Variants in SETD1A observed in about 807,000 individuals in gnomAD.
SETD1A encodes SET domain containing 1A, histone lysine methyltransferase.
A neutral mutation model predicts 149.9 loss-of-function variants in SETD1A; 29 were observed. The observed-to-expected ratio is 0.19, with a 90% CI of 0.14 to 0.26. The LOEUF (loss-of-function observed/expected upper bound fraction) is 0.26. SETD1A is among the 10% of genes least tolerant of loss of function. The pLI is 1.00. For synonymous variants in SETD1A, 1,141 were observed against 968.5 expected, an observed-to-expected ratio of 1.18 and a Z score of -3.31; for missense variants, 2,109 against 2,353.1, an observed-to-expected ratio of 0.90 and a Z score of 2.15.
chr16:30,960,501 T>C (rs566677335), intron 3 of SETD1A, among the ~76,000 whole-genome samples: 97 of 152,334 alleles, frequency 6.4e-4, no homozygotes, highest in Non-Finnish European at 1.1e-3. Context: ...TTTCCTTCCC[T>C]GGGCTCCAGA....
chr16:30,966,075 C>G lies in SETD1A; in HGVS notation c.2194C>G (p.Leu732Val), dbSNP rs2056140792. The stretch of plus-strand genomic sequence containing the variant: ...GGCAGCCTACGGCTTGCCGTATGCT[C>G]TATATGCACAGGGGCAGGAGGGCAG... ...QEAAYGLPYA[L>V]YAQGQEGRGA... The change falls in exon 8 of 19, where the codon CTA (leucine) becomes GTA (valine). Residue 732 changes from leucine (L) to valine (V), a missense_variant. By Grantham distance (32) the Leu-to-Val change is conservative. This residue lies in a region of SETD1A where 431 missense variants were observed against 388.6 expected (regional missense o/e 1.11). Transcript: ENST00000262519. 3.1e-6 allele frequency: 5 copies of G among 1,587,628 alleles called. No individual in the cohort carries two copies. Among genetic ancestry groups the G allele is most frequent in the Non-Finnish European group, 4.3e-6 (5 of 1,165,740 alleles).
intron 3 of SETD1A, among the ~76,000 whole-genome samples, chr16:30,959,540 T>A (rs1488602706): frequency 6.6e-6 from 1 of 152,214 alleles, no homozygotes; most frequent in Non-Finnish European, 1.5e-5. Flanking sequence ...ACAAGGCCAC[T>A]GCCTACCTGG....
In SETD1A at chr16:30,979,158, G is replaced by A; in HGVS notation, c.3372G>A (p.Glu1124=). The A allele has an allele frequency of 6.4e-7, 1 of 1,571,290 alleles. No homozygotes were observed. The highest frequency in any genetic ancestry group is 2.3e-5 in the East Asian group (1 of 43,266). Residue 1124 remains glutamate, a synonymous_variant, in exon 14 of 19, where the codon GAG becomes GAA. Transcript: ENST00000262519. ...CTTCCTTCCCAGGCCCCACGGAGGA[G>A]TCACCCCCCAGTGCGCCTCTGCGTC... The part of the protein sequence containing the change: ...SPARPAGPTE[E]SPPSAPLRPP...
At position 30,958,653 on chromosome 16, in the gene SETD1A, G is replaced by A. The variant is rs1377614404; in HGVS notation, c.-15-64G>A. On this transcript the variant is annotated intron_variant, in intron 1 of 18. Coordinates refer to ENST00000262519, the MANE Select transcript of SETD1A (RefSeq NM_014712.3). ...ACCTGGAATCGGGGCTAGCCAATGA[G>A]GAAAGGCAGGGGAGTCAGGCCCCAA... The A allele has an allele frequency of 4.2e-6, 6 of 1,424,370 alleles. No individual in the cohort carries two copies. In the African/African-American group the frequency reaches 7.0e-5, roughly 17 times the overall value. 88.2% of individuals were successfully genotyped at this position (1,424,370 alleles called of 1,614,324 possible).
Position 30,964,594 on chromosome 16 carries a change from C to A in SETD1A, c.870-18C>A. The A allele has an allele frequency of 1.9e-6, 3 of 1,605,678 alleles. No individual in the cohort carries two copies. Among genetic ancestry groups the A allele is most frequent in the Non-Finnish European group, 2.6e-6 (3 of 1,175,710 alleles). ...CATAGAGAGCTGAGTCCAGCTAACT[C>A]CCCTGCTTCTTCTCCAGCACCACTT... is the stretch of plus-strand genomic sequence containing the variant. On this transcript the variant is annotated intron_variant, in intron 6 of 18. Coordinates refer to ENST00000262519, the MANE Select transcript of SETD1A (RefSeq NM_014712.3).
chr16:30,974,396 G>T (rs556575119), intron 13 of SETD1A, among the ~76,000 whole-genome samples: 1 of 152,048 alleles, frequency 6.6e-6, no homozygotes, highest in South Asian at 2.1e-4. Flanking sequence ...TAGGCGAGTG[G>T]GGGGAGAGAA....
chr16:30,960,625 T>C (rs889341310), intron 3 of SETD1A, among the ~76,000 whole-genome samples: 58 of 152,196 alleles, frequency 3.8e-4, no homozygotes, highest in African/African-American at 1.4e-3. Flanking sequence ...CAGTGCCTCG[T>C]TCATGGTAGT....
chr16:30,970,296 CT>C (rs1308226517), intron 12 of SETD1A, among the ~76,000 whole-genome samples: 1 of 130,938 alleles, frequency 7.6e-6, no homozygotes, highest in Non-Finnish European at 1.6e-5. Context: ...GAGACAGAGT[CT>C]CGCTTTGTCA....
In SETD1A at chr16:30,980,771, C is replaced by T. The variant is rs756766457; in HGVS notation, c.4614C>T (p.Ser1538=). 4.7e-5 allele frequency: 76 copies of T among 1,612,822 alleles called. 1 individual carries two copies. The highest frequency in any genetic ancestry group is 2.5e-4 in the South Asian group (23 of 91,058). The change falls in exon 16 of 19, where the codon TCC becomes TCT. Residue 1538 remains serine, a synonymous_variant. Transcript: ENST00000262519. The surrounding 1 kb of genome is among the most constrained non-coding windows in gnomAD (Gnocchi z 7.7). ...GTNRVLSERR[S]EQRRLLSAIG... is the part of the protein sequence containing the mutation. ...ACCGCGTGCTGTCCGAGCGCCGGTC[C>T]GAGCAGCGGCGGCTGCTGAGCGCCA...
chr16:30,980,733 TCACAGGGGACGAACCGCGTGCTGTCCGAG>T lies in SETD1A; in HGVS notation c.4582-4_4606del. ...GCTCACCTCCTCCCTGCCGTGTGTC[TCACAGGGGACGAACCGCGTGCTGTCCGAG>T]CGCCGGTCCGAGCAGCGGCGGCTGC... On this transcript the variant is annotated splice_acceptor_variant and splice_polypyrimidine_tract_variant and coding_sequence_variant and intron_variant, in exon 16 of 19. Coordinates refer to ENST00000262519, the MANE Select transcript of SETD1A (RefSeq NM_014712.3). LOFTEE classifies it high-confidence loss of function. The surrounding 1 kb of genome is among the most constrained non-coding windows in gnomAD (Gnocchi z 7.7). 1 of 1,612,316 alleles carries T rather than the reference TCACAGGGGACGAACCGCGTGCTGTCCGAG, an allele frequency of 6.2e-7. No homozygotes were observed. Among genetic ancestry groups the T allele is most frequent in the Non-Finnish European group, 8.5e-7 (1 of 1,179,648 alleles).
At position 30,967,457 on chromosome 16, in the gene SETD1A, GTGTT is replaced by G. The variant is rs1310713683; in HGVS notation, c.2683-41_2683-38del. ...GAGTGAGCCACCGTGCTCTGCCTGA[GTGTT>G]TGAGCTCTAAACAGGCCCCATCTTT... On this transcript the variant is annotated intron_variant, in intron 9 of 18. Transcript: ENST00000262519. 2.0e-5 allele frequency: 31 copies of G among 1,571,614 alleles called. No individual in the cohort carries two copies. The Admixed American group carries it at 3.7e-4, about 19-fold the overall frequency.
chr16:30,958,635 A>G (rs2056001087), intron 1 of SETD1A, 82 bp from the exon 2 acceptor site: 1 of 1,235,334 alleles, frequency 8.1e-7, no homozygotes, highest in Non-Finnish European at 1.2e-6. Context: ...AGAACCTGGA[A>G]TCGGGGCTAG....
intron 13 of SETD1A, among the ~76,000 whole-genome samples, chr16:30,972,306 T>A (rs2056234936): frequency 1.3e-5 from 2 of 152,186 alleles, no homozygotes; most frequent in African/African-American, 4.8e-5. Context: ...CTCATCATGC[T>A]TACAGTCTAC....
At position 30,964,339 on chromosome 16, in the gene SETD1A, C is replaced by T. The variant is rs376039031; in HGVS notation, c.869+16C>T. On this transcript the variant is annotated intron_variant, in intron 6 of 18. Coordinates refer to ENST00000262519, the MANE Select transcript of SETD1A (RefSeq NM_014712.3). Reference sequence around the variant, plus strand: ...ACTCCAGCAGGTACAGAGCAGACCCCGCCTGGGGCCCCGCCCGCAAAGTCT... The same window carrying T: ...ACTCCAGCAGGTACAGAGCAGACCCTGCCTGGGGCCCCGCCCGCAAAGTCT... The T allele has an allele frequency of 1.3e-4, 202 of 1,599,128 alleles. No individual in the cohort carries two copies. The highest frequency in any genetic ancestry group is 3.8e-4 in the African/African-American group (28 of 74,622).
In SETD1A at chr16:30,983,441, G is replaced by T. The variant is rs1010639457; in HGVS notation, c.4813-194G>T. The stretch of plus-strand genomic sequence containing the variant: ...GGGTGACTTAGAATGGCCACCAGAG[G>T]CTTAGGATGCTGCCCCAAAGAGGGA... On this transcript the variant is annotated intron_variant, in intron 17 of 18. Transcript: ENST00000262519. The surrounding 1 kb of genome is among the most constrained non-coding windows in gnomAD (Gnocchi z 6.8). Among the ~76,000 whole-genome samples, 1 of 152,192 alleles carries T rather than the reference G, an allele frequency of 6.6e-6. No individual in the cohort carries two copies. Among genetic ancestry groups the T allele is most frequent in the Non-Finnish European group, 1.5e-5 (1 of 68,030 alleles).
intron 13 of SETD1A, among the ~76,000 whole-genome samples, chr16:30,973,926 CTCA>C (rs1385535494): frequency 1.3e-5 from 2 of 152,096 alleles, no homozygotes; most frequent in African/African-American, 4.8e-5. Flanking sequence ...CTCTTCCATT[CTCA>C]TCAGAGCAGG....
Position 30,965,717 on chromosome 16 carries a change from G to T in SETD1A, c.1836G>T (p.Pro612=), listed in dbSNP as rs769421929. ...CTCCGCCACCTCCCCCTCCCCCGCC[G>T]CCTCCTCCTCCCTACCTGGCGTCCC... ...QQPPPPPPPP[P]PPPPYLASLP... The change falls in exon 8 of 19, where the codon CCG becomes CCT. Residue 612 remains proline, a synonymous_variant. Transcript: ENST00000262519. 4 of 446,686 alleles carry T rather than the reference G, an allele frequency of 9.0e-6. No homozygotes were observed. The highest frequency in any genetic ancestry group is 1.2e-4 in the African/African-American group (2 of 16,280). 27.7% of individuals were successfully genotyped at this position (446,686 alleles called of 1,614,324 possible). A position where few individuals can be genotyped will look rare whatever the true frequency, so the allele number is the denominator to read the frequency against.
In SETD1A at chr16:30,961,596, A is replaced by G. The variant is rs2143467800; in HGVS notation, c.517+59A>G. 1.3e-6 allele frequency: 2 copies of G among 1,559,868 alleles called. No homozygotes were observed. The highest frequency in any genetic ancestry group is 1.7e-6 in the Non-Finnish European group (2 of 1,144,682). On this transcript the variant is annotated intron_variant, in intron 4 of 18. Coordinates refer to ENST00000262519, the MANE Select transcript of SETD1A (RefSeq NM_014712.3). This position sits in a 1 kb window ranked among gnomAD's most constrained non-coding sequence, Gnocchi z 4.0. ...CCTCCAGCGGAGGTTGTACATGCAA[A>G]TGCCTGTCAGGGTCAGGCAGGCGCC...
rs577430341 is a variant in SETD1A, at chr16:30,973,015, G to A, written c.3358+1296G>A. 1.7e-4 allele frequency among the ~76,000 whole-genome samples: 26 copies of A among 152,164 alleles called. 1 individual carries two copies. The highest frequency in any genetic ancestry group is 3.4e-4 in the Non-Finnish European group (23 of 68,026). On this transcript the variant is annotated intron_variant, in intron 13 of 18. Transcript: ENST00000262519. ...GAAGTCTGGGCAAAGCAGGCAGCAC[G>A]GCTGGCTTAGCGTGTGCAAAGGCCC... is the stretch of plus-strand genomic sequence containing the variant.
Sources: allele counts gnomAD v4.1 joint callset (sites outside exome capture counted in the v4.1 genomes callset), GRCh38; gene constraint gnomAD v4.1.1; regional missense constraint gnomAD v4.1.1; non-coding constraint Gnocchi (gnomAD v3.1); transcripts MANE v1.5; gene names NCBI Gene and HGNC (gene_info 2026-07-23, HGNC 2026-07-21).